JMJD1C: variants seen among roughly 807,000 people sequenced by gnomAD.
The protein encoded by JMJD1C is jumonji domain containing 1C.
A neutral mutation model predicts 245.3 loss-of-function variants in JMJD1C; 31 were observed. The observed-to-expected ratio is 0.13, with a 90% CI of 0.09 to 0.17. The LOEUF is 0.17. Ranked by LOEUF, JMJD1C falls within the 10% of genes least tolerant of loss-of-function variation. The probability of loss-of-function intolerance (pLI) is 1.00; values close to 1 mark genes in which losing one functional copy is unlikely to be tolerated. For missense variants in JMJD1C, 2,691 were observed against 3,000.2 expected (o/e 0.90, Z 2.41); for synonymous variants, 1,057 against 1,017.4 (o/e 1.04, Z -0.74).
chr10:63,313,758 T>C (rs2134063524), intron 2 of JMJD1C, among the ~76,000 whole-genome samples: 1 of 152,386 alleles, frequency 6.6e-6, no homozygotes, highest in East Asian at 1.9e-4. Flanking sequence ...GAGAATTGTC[T>C]ATTCATGTCC....
chr10:63,168,649 CAA>C lies in JMJD1C; in HGVS notation c.7402-85_7402-84del, dbSNP rs1267923735. Reference sequence around the variant, plus strand: ...CCAAGTTATTTAAAACCAATAAACACAAGAGACAATTCTGCTGGAGAATTTAC... The same window carrying C: ...CCAAGTTATTTAAAACCAATAAACACGAGACAATTCTGCTGGAGAATTTAC... On this transcript the variant is annotated intron_variant, in intron 24 of 25. Coordinates refer to ENST00000399262, the MANE Select transcript of JMJD1C (RefSeq NM_032776.3). The C allele has an allele frequency of 1.4e-5, 17 of 1,246,592 alleles. No individual in the cohort carries two copies. In the East Asian group the frequency reaches 2.7e-4, roughly 19 times the overall value. The allele number at this position is 1,246,592 out of a possible 1,614,324, so 77.2% of individuals were successfully genotyped here. A position where few individuals can be genotyped will look rare whatever the true frequency, so the allele number is the denominator to read the frequency against.
chr10:63,244,954 T>C lies in JMJD1C; in HGVS notation c.447+19697A>G, dbSNP rs563140200. Among the ~76,000 whole-genome samples, 62 of 151,906 alleles carry C rather than the reference T, an allele frequency of 4.1e-4. 1 individual carries two copies. The highest frequency in any genetic ancestry group is 6.6e-5 in the Admixed American group (1 of 15,260). On this transcript the variant is annotated intron_variant, in intron 3 of 25. Transcript: ENST00000399262. ...GAGTTCGAGACCAGCCTGACCAACA[T>C]GGTGAAACCCCACTTCTACTAAAAA...
At chr10:63,440,689 T>C (rs867333624) in intron 1 of JMJD1C, among the ~76,000 whole-genome samples, 1 of 152,188 alleles carries the variant, frequency 6.6e-6, no homozygotes, top group South Asian at 2.1e-4. Flanking sequence ...TTGCTGGATA[T>C]TTTAATTCAA....
chr10:63,215,413 T>C lies in JMJD1C; in HGVS notation c.865A>G (p.Met289Val), dbSNP rs1339832493. The stretch of plus-strand genomic sequence containing the variant: ...TTTGGTACAGCAGCTTGGGAGTTCA[T>C]TGCTGGTCTGGGACTATTTGCTTGG... ...RAQANSPRPA[M>V]NSQAAVPKQN... The change falls in exon 7 of 26, where the codon ATG becomes GTG. Residue 289 changes from methionine (M) to valine (V), a missense_variant. By Grantham distance (21) the Met-to-Val change is conservative (BLOSUM62 1). Coordinates refer to ENST00000399262, the MANE Select transcript of JMJD1C (RefSeq NM_032776.3). 12 of 1,614,176 alleles carry C rather than the reference T, an allele frequency of 7.4e-6. No homozygotes were observed. Among genetic ancestry groups the C allele is most frequent in the African/African-American group, 1.3e-5 (1 of 75,040 alleles).
intron 1 of JMJD1C, among the ~76,000 whole-genome samples, chr10:63,431,711 T>C (rs528119473): frequency 9.2e-5 from 14 of 152,294 alleles, no homozygotes; most frequent in African/African-American, 3.1e-4. Context: ...GGGTATGCAC[T>C]GTGAAAAAGT....
chr10:63,221,849 G>A (rs1186530110), intron 3 of JMJD1C, among the ~76,000 whole-genome samples: 1 of 152,190 alleles, frequency 6.6e-6, no homozygotes, highest in African/African-American at 2.4e-5. Context: ...AGCCTCCTGA[G>A]TAGCTGGGGT....
chr10:63,208,421 G>A lies in JMJD1C; in HGVS notation c.3248C>T (p.Ser1083Leu), dbSNP rs367831647. Residue 1083 changes from serine (S) to leucine (L), a missense_variant, in exon 10 of 26, where the codon TCA becomes TTA. Ser to Leu is a moderately radical substitution (Grantham distance 145, BLOSUM62 -2). This residue lies in a region of JMJD1C where 1,562 missense variants were observed against 1,490.7 expected (regional missense o/e 1.05). Transcript: ENST00000399262. ...SVSDLYKMKH[S>L]VPQSLPQSNY... ...ACTTTGGGGTAAACTCTGAGGCACTGAGTGCTTCATTTTATAAAGATCTGA... is the reference window on the plus strand; with the variant it reads ...ACTTTGGGGTAAACTCTGAGGCACTAAGTGCTTCATTTTATAAAGATCTGA... The A allele has an allele frequency of 1.8e-4, 291 of 1,613,834 alleles. No homozygotes were observed. The highest frequency in any genetic ancestry group is 2.4e-4 in the Non-Finnish European group (279 of 1,179,930).
At chr10:63,193,640 T>C in intron 14 of JMJD1C, 168 bp from the exon 15 acceptor site, 1 of 489,000 alleles carries the variant, frequency 2.0e-6, no homozygotes, top group Non-Finnish European at 3.5e-6. Flanking sequence ...ACAGTTTTGA[T>C]TATTCAACCA....
chr10:63,270,290 CCA>C (rs1279867665), intron 2 of JMJD1C, among the ~76,000 whole-genome samples: 52 of 152,058 alleles, frequency 3.4e-4, no homozygotes, highest in African/African-American at 1.2e-3. Context: ...CCTCAGCCTC[CCA>C]AGTAGCTGGC....
intron 1 of JMJD1C, 36 bp downstream of exon 1, chr10:63,465,459 C>A (rs756567116): frequency 1.3e-5 from 20 of 1,548,596 alleles, no homozygotes; most frequent in Middle Eastern, 2.1e-4. Context: ...CGGGTGCGGG[C>A]GCGGCAGGGG....
intron 1 of JMJD1C, among the ~76,000 whole-genome samples, chr10:63,504,127 T>C (rs1954646017): frequency 6.6e-6 from 1 of 152,222 alleles, no homozygotes; most frequent in African/African-American, 2.4e-5. Context: ...AAACCTAATG[T>C]ATAAAGTCAT....
chr10:63,244,545 C>T (rs1306768944), intron 3 of JMJD1C, among the ~76,000 whole-genome samples: 2 of 152,084 alleles, frequency 1.3e-5, no homozygotes, highest in Non-Finnish European at 2.9e-5. Flanking sequence ...GGAATCATGA[C>T]ATACCCAAAT....
At chr10:63,413,871 T>A (rs865818349) in intron 1 of JMJD1C, among the ~76,000 whole-genome samples, 2 of 152,142 alleles carry the variant, frequency 1.3e-5, no homozygotes, top group South Asian at 4.1e-4. Flanking sequence ...AAAGGTTCCT[T>A]GATTCTATTT....
chr10:63,277,908 TC>T (rs991138319), intron 2 of JMJD1C, among the ~76,000 whole-genome samples: 2 of 151,644 alleles, frequency 1.3e-5, no homozygotes, highest in African/African-American at 4.8e-5. Context: ...GTCTAACTTT[TC>T]TATTTTTAGT....
intron 1 of JMJD1C, among the ~76,000 whole-genome samples, chr10:63,383,969 T>C (rs1016755967): frequency 6.6e-6 from 1 of 152,154 alleles, no homozygotes; most frequent in Non-Finnish European, 1.5e-5. Context: ...GCATGCAATA[T>C]TGTTGGCCAC....
At chr10:63,310,080 C>G (rs1180653975) in intron 2 of JMJD1C, among the ~76,000 whole-genome samples, 1 of 152,078 alleles carries the variant, frequency 6.6e-6, no homozygotes, top group Non-Finnish European at 1.5e-5. Flanking sequence ...ACTATCAGAT[C>G]ACAGGAATTA....
intron 1 of JMJD1C, among the ~76,000 whole-genome samples, chr10:63,442,681 A>G (rs1951460507): frequency 6.6e-6 from 1 of 152,228 alleles, no homozygotes; most frequent in Admixed American, 6.5e-5. Flanking sequence ...CCTCTCTGGA[A>G]TACAGTCTCT....
At chr10:63,448,170 T>G (rs1023325324) in intron 1 of JMJD1C, among the ~76,000 whole-genome samples, 1 of 152,162 alleles carries the variant, frequency 6.6e-6, no homozygotes, top group Non-Finnish European at 1.5e-5. Context: ...AATTTTATTT[T>G]ATTTGAGATG....
At chr10:63,354,320 AT>A (rs1449847904) in intron 2 of JMJD1C, among the ~76,000 whole-genome samples, 2 of 152,186 alleles carry the variant, frequency 1.3e-5, no homozygotes, top group Non-Finnish European at 2.9e-5. Context: ...GAAATTGTAT[AT>A]TTTTCTTAAC....
Sources: allele counts gnomAD v4.1 joint callset (sites outside exome capture counted in the v4.1 genomes callset), GRCh38; gene constraint gnomAD v4.1.1; regional missense constraint gnomAD v4.1.1; transcripts MANE v1.5; gene names NCBI Gene and HGNC (gene_info 2026-07-23, HGNC 2026-07-21).